PTPRK: variants seen among roughly 807,000 people sequenced by gnomAD.
PTPRK encodes the protein receptor-type tyrosine-protein phosphatase kappa.
In PTPRK, 75 loss-of-function variants were observed where a neutral mutation model predicts 178.0. That is an observed-to-expected ratio of 0.42 (90% CI 0.35 to 0.51). The LOEUF (loss-of-function observed/expected upper bound fraction) is 0.51. Among genes scored for constraint, PTPRK ranks in the 20% least tolerant of loss-of-function variants. PTPRK has a pLI of 0.02. For missense variants in PTPRK, 1,441 were observed against 1,797.8 expected (o/e 0.80, Z 3.59); for synonymous variants, 637 against 620.6 (o/e 1.03, Z -0.39).
chr6:128,214,072 G>A (rs17055445), intron 6 of PTPRK, among the ~76,000 whole-genome samples: 6,220 of 152,130 alleles, frequency 0.041, 280 homozygotes, highest in African/African-American at 0.11. Context: ...TTTGAGAAAA[G>A]TACTGAATTT....
intron 3 of PTPRK, among the ~76,000 whole-genome samples, chr6:128,244,666 T>G (rs1815129469): frequency 6.6e-6 from 1 of 152,198 alleles, no homozygotes; most frequent in Non-Finnish European, 1.5e-5. Context: ...TCCAGCCATT[T>G]TATTCTTTCC....
chr6:128,285,059 A>G (rs190850870), intron 3 of PTPRK, among the ~76,000 whole-genome samples: 1 of 152,334 alleles, frequency 6.6e-6, no homozygotes, highest in East Asian at 1.9e-4. Context: ...ACTCTCCTAT[A>G]CATACACAAT....
At position 128,068,845 on chromosome 6, in the gene PTPRK, C is replaced by A. The variant is rs139100087; in HGVS notation, c.1884-1053G>T. Among the ~76,000 whole-genome samples the A allele has an allele frequency of 8.9e-3, 1,349 of 151,438 alleles. 45 individuals carry two copies. The highest frequency in any genetic ancestry group is 0.057 in the East Asian group (292 of 5,142). ...AGTTGAACATAAATTGTATGCAGGG[C>A]TGCATATTGATATTCAATGGATCTC... is the stretch of plus-strand genomic sequence containing the variant. On this transcript the variant is annotated intron_variant, in intron 11 of 29. Coordinates refer to ENST00000368226, the MANE Select transcript of PTPRK (RefSeq NM_002844.4).
intron 2 of PTPRK, among the ~76,000 whole-genome samples, chr6:128,345,937 G>A (rs113551706): frequency 2.6e-5 from 4 of 152,246 alleles, no homozygotes; most frequent in African/African-American, 9.6e-5. Flanking sequence ...AAGGAAAGTG[G>A]TAGGTGTTTT....
At chr6:128,192,112 A>C (rs1803907983) in intron 6 of PTPRK, among the ~76,000 whole-genome samples, 1 of 152,222 alleles carries the variant, frequency 6.6e-6, no homozygotes, top group Admixed American at 6.5e-5. Context: ...AGATACTTTC[A>C]GTCTTTGCTT....
At chr6:127,987,403 A>T (rs1432371077) in intron 21 of PTPRK, among the ~76,000 whole-genome samples, 1 of 152,112 alleles carries the variant, frequency 6.6e-6, no homozygotes, top group East Asian at 1.9e-4. Context: ...GCGTATCCGT[A>T]AGTACACTTT....
At chr6:128,067,825 A>G in intron 11 of PTPRK, 33 bp from the exon 12 acceptor site, 1 of 1,507,004 alleles carries the variant, frequency 6.6e-7, no homozygotes, top group Non-Finnish European at 8.9e-7. Context: ...ACACACATAT[A>G]TATACACACA....
chr6:128,500,289 T>C lies in PTPRK; in HGVS notation c.100+19970A>G, dbSNP rs17055927. Among the ~76,000 whole-genome samples the C allele has an allele frequency of 5.4e-3, 827 of 152,090 alleles. 21 individuals carry two copies. Among genetic ancestry groups the C allele is most frequent in the Admixed American group, 0.043 (662 of 15,284 alleles). ...TGTTGAAATAGAGAGTAATACAAAT[T>C]AGAAGTTGTCAGAAACAGATGCTCT... On this transcript the variant is annotated intron_variant, in intron 1 of 29. Coordinates refer to ENST00000368226, the MANE Select transcript of PTPRK (RefSeq NM_002844.4).
chr6:128,041,042 G>T (rs1469842116), intron 13 of PTPRK, among the ~76,000 whole-genome samples: 1 of 151,818 alleles, frequency 6.6e-6, no homozygotes. Context: ...TCAGTATATG[G>T]CATTTTTTAA....
intron 9 of PTPRK, 84 bp downstream of exon 9, chr6:128,083,631 C>T: frequency 1.5e-6 from 1 of 680,304 alleles, no homozygotes; most frequent in Non-Finnish European, 2.3e-6. Context: ...TACGTCTTTT[C>T]CATATTTCCC....
intron 2 of PTPRK, among the ~76,000 whole-genome samples, chr6:128,384,628 A>G (rs978253328): frequency 3.9e-5 from 6 of 152,212 alleles, no homozygotes; most frequent in African/African-American, 1.4e-4. Context: ...AAAACATCAG[A>G]ATAGTACAGA....
intron 3 of PTPRK, among the ~76,000 whole-genome samples, chr6:128,249,570 C>G (rs1438494944): frequency 6.6e-6 from 1 of 151,994 alleles, no homozygotes; most frequent in Non-Finnish European, 1.5e-5. Flanking sequence ...AAGTATGATA[C>G]ATATGCATAA....
At chr6:128,294,644 AG>A in intron 3 of PTPRK, among the ~76,000 whole-genome samples, 1 of 152,212 alleles carries the variant, frequency 6.6e-6, no homozygotes, top group South Asian at 2.1e-4. Flanking sequence ...TTTGGTAGAC[AG>A]AGGGTATATC....
intron 9 of PTPRK, 25 bp from the exon 10 acceptor site, chr6:128,082,663 C>A: frequency 1.3e-6 from 2 of 1,509,116 alleles, no homozygotes; most frequent in Admixed American, 1.8e-5. Context: ...ACATTTATTA[C>A]ATATCTAGTA....
At position 128,274,150 on chromosome 6, in the gene PTPRK, T is replaced by C. The variant is rs372158574; in HGVS notation, c.496-31548A>G. Among the ~76,000 whole-genome samples the C allele has an allele frequency of 1.3e-4, 20 of 152,220 alleles. No individual in the cohort carries two copies. The South Asian group carries it at 4.1e-3, about 32-fold the overall frequency. On this transcript the variant is annotated intron_variant, in intron 3 of 29. Coordinates refer to ENST00000368226, the MANE Select transcript of PTPRK (RefSeq NM_002844.4). Reference sequence around the variant, plus strand: ...TTAAAATGAATATTTGCCAATAGAATAGCAAGTCTAAATAATGACCCACCA... The same window carrying C: ...TTAAAATGAATATTTGCCAATAGAACAGCAAGTCTAAATAATGACCCACCA...
chr6:128,517,862 T>C (rs1228858555), intron 1 of PTPRK, among the ~76,000 whole-genome samples: 1 of 152,210 alleles, frequency 6.6e-6, no homozygotes, highest in Non-Finnish European at 1.5e-5. Context: ...AGTGGGTTTA[T>C]TTAAATTTCT....
intron 5 of PTPRK, among the ~76,000 whole-genome samples, chr6:128,221,802 G>A (rs1810465414): frequency 6.6e-6 from 1 of 150,910 alleles, no homozygotes; most frequent in South Asian, 2.1e-4. Context: ...GGATAATAAG[G>A]AACTGAAAAA....
chr6:128,084,532 G>A (rs1177121910), intron 8 of PTPRK, among the ~76,000 whole-genome samples: 2 of 152,112 alleles, frequency 1.3e-5, no homozygotes, highest in Admixed American at 6.5e-5. Context: ...AGAACTCAAC[G>A]ATCTGCACAA....
chr6:128,517,761 C>T (rs1292625), intron 1 of PTPRK, among the ~76,000 whole-genome samples: 53 of 152,260 alleles, frequency 3.5e-4, no homozygotes, highest in Admixed American at 7.8e-4. Context: ...CACATGATAT[C>T]GGAAAGTAAA....
Sources: gnomAD v4.1 joint callset for allele counts (sites outside exome capture counted in the v4.1 genomes callset) on GRCh38, gnomAD v4.1.1 for gene constraint, MANE v1.5 for transcripts, NCBI Gene and HGNC (gene_info 2026-07-23, HGNC 2026-07-21) for gene names.